Variants in GET1 observed in about 807,000 individuals in gnomAD.
The protein encoded by GET1 is guided entry of tail-anchored proteins factor 1, also known as congenital heart disease 5 protein.
In GET1, 20 loss-of-function variants were observed where a neutral mutation model predicts 22.6. The observed-to-expected ratio is 0.89, with a 90% CI of 0.62 to 1.29. The LOEUF (loss-of-function observed/expected upper bound fraction) is 1.29, where lower values mean the gene tolerates loss of function less well. Ranked by LOEUF, GET1 falls within the 50% of genes most tolerant of loss-of-function variation. GET1 has a pLI of 0.00. For missense variants in GET1, 209 were observed against 219.9 expected (o/e 0.95, Z 0.31); for synonymous variants, 92 against 83.8 (o/e 1.10, Z -0.53).
chr21:39,410,132 G>A (rs187520894), downstream of GET1: 27 of 1,437,298 alleles, frequency 1.9e-5, no homozygotes, highest in Non-Finnish European at 2.4e-5. Context: ...CACATTTTGG[G>A]GGGTCTAGAT....
Position 39,390,853 on chromosome 21 carries a change from CA to C in GET1, c.262del (p.Thr88ProfsTer3), listed in dbSNP as rs745397732. On this transcript the variant is annotated frameshift_variant, in exon 2 of 5. Coordinates refer to ENST00000649170, the MANE Select transcript of GET1 (RefSeq NM_004627.6). LOFTEE classifies it high-confidence loss of function. Reference protein sequence around the residue: ...RKINKMTDKLKTHVKARTAQL... With the variant: ...RKINKMTDKLXTHVKARTAQL... ...AGATCAACAAGATGACGGATAAGCT[CA>C]AAACCCATGGTACTGTGTCCCTTGC... 6.2e-7 allele frequency: 1 copy of C among 1,614,062 alleles called. No individual in the cohort carries two copies. The highest frequency in any genetic ancestry group is 8.5e-7 in the Non-Finnish European group (1 of 1,180,014).
At chr21:39,426,416 T>C (rs1291172524) in intron 1 of GET1, among the ~76,000 whole-genome samples, 1 of 152,204 alleles carries the variant, frequency 6.6e-6, no homozygotes, top group Non-Finnish European at 1.5e-5. Context: ...CCACAAAAGC[T>C]TACCATCAAT....
At chr21:39,407,048 G>A (rs2039187590), downstream of GET1, among the ~76,000 whole-genome samples, 1 of 152,052 alleles carries the variant, frequency 6.6e-6, no homozygotes, top group Non-Finnish European at 1.5e-5. Context: ...GCAACATAGC[G>A]AAACCCTGTC....
chr21:39,403,176 G>C (rs1200060037), intron 4 of GET1, among the ~76,000 whole-genome samples: 1 of 151,990 alleles, frequency 6.6e-6, no homozygotes. Context: ...CTTAATTTGC[G>C]TATTTCCCCT....
downstream of GET1, chr21:39,409,955 T>TA (rs754343618): frequency 1.6e-6 from 2 of 1,260,258 alleles, no homozygotes; most frequent in Non-Finnish European, 2.3e-6. The surrounding 1 kb of genome is among the most constrained non-coding windows in gnomAD (Gnocchi z 4.2). Flanking sequence ...TCAGATAAGA[T>TA]AGACTTTAAA....
At chr21:39,418,648 C>T (rs1207574153) in intron 1 of GET1, among the ~76,000 whole-genome samples, 1 of 152,042 alleles carries the variant, frequency 6.6e-6, no homozygotes, top group African/African-American at 2.4e-5. Context: ...TACAGGCACG[C>T]ATCACCATGC....
chr21:39,408,671 G>A (rs2039534013), downstream of GET1: 1 of 152,364 alleles, frequency 6.6e-6, no homozygotes, highest in Admixed American at 6.5e-5. Context: ...ACTCCCAAGA[G>A]CTGAAGGTAA....
intron 1 of GET1, among the ~76,000 whole-genome samples, chr21:39,412,600 GCA>G (rs58572253): frequency 1.1e-4 from 17 of 149,406 alleles, no homozygotes; most frequent in South Asian, 8.4e-4. Flanking sequence ...ACGTGCATGT[GCA>G]CACACACACA....
chr21:39,422,783 G>A (rs1411181765), intron 1 of GET1: 8 of 595,260 alleles, frequency 1.3e-5, no homozygotes, highest in Non-Finnish European at 2.3e-5. Context: ...TTTCTAGTTT[G>A]AGCTGCTTCT....
chr21:39,401,585 T>A (rs139752461), downstream of GET1, among the ~76,000 whole-genome samples: 545 of 152,268 alleles, frequency 3.6e-3, 9 homozygotes, highest in Admixed American at 0.02. Context: ...AATACATTGT[T>A]TGGTTTCTCA....
rs190143554 is a variant in GET1, at chr21:39,416,825, T to C, written c.*23+5888T>C. ...AGTGTAAGATTTTTTTGTAAAGTTA[T>C]TTGTGTCCTTACAGTGTATCTCACT... On this transcript the variant is annotated intron_variant, in intron 1 of 1. Coordinates refer to the GET1 transcript ENST00000478273. Among the ~76,000 whole-genome samples the C allele has an allele frequency of 2.5e-4, 38 of 152,318 alleles. No individual in the cohort carries two copies. In the East Asian group the frequency reaches 7.0e-3, roughly 28 times the overall value.
chr21:39,392,156 A>G, intron 3 of GET1: 1 of 263,588 alleles, frequency 3.8e-6, no homozygotes, highest in Non-Finnish European at 7.1e-6. Flanking sequence ...CTTATAGATG[A>G]CATCAGTTTT....
downstream of GET1, chr21:39,406,714 A>G (rs1601671942): frequency 1.2e-6 from 1 of 853,864 alleles, no homozygotes; most frequent in East Asian, 2.5e-5. Context: ...TCACAAGCAC[A>G]CTGAAATGAC....
Position 39,391,755 on chromosome 21 carries a change from G to C in GET1, c.269-14G>C. 2 of 1,613,542 alleles carry C rather than the reference G, an allele frequency of 1.2e-6. No homozygotes were observed. Among genetic ancestry groups the C allele is most frequent in the Non-Finnish European group, 1.7e-6 (2 of 1,179,622 alleles). On this transcript the variant is annotated splice_polypyrimidine_tract_variant and intron_variant, in intron 2 of 4. Coordinates refer to ENST00000649170, the MANE Select transcript of GET1 (RefSeq NM_004627.6). The stretch of plus-strand genomic sequence containing the variant: ...CAGGACTGACATAATTATTTATCCT[G>C]TTTTTCCTTTCAGTGAAAGCTCGGA...
In GET1 at chr21:39,380,454, C is replaced by T. The variant is rs760934554; in HGVS notation, c.70C>T (p.Leu24Phe). 65 of 1,613,210 alleles carry T rather than the reference C, an allele frequency of 4.0e-5. No homozygotes were observed. The South Asian group carries it at 6.8e-4, about 17-fold the overall frequency. Residue 24 changes from leucine to phenylalanine, a missense_variant, in exon 1 of 5, where the codon CTT becomes TTT. By Grantham distance (22) the Leu-to-Phe change is conservative. Transcript: ENST00000649170. Reference sequence around the variant, plus strand: ...CAGCTTCGTGTTTGGATGCAATGTTCTTAGGATCCTCCTCCCGTCCTTCTC... The same window carrying T: ...CAGCTTCGTGTTTGGATGCAATGTTTTTAGGATCCTCCTCCCGTCCTTCTC... ...VLSFVFGCNV[L>F]RILLPSFSSF...
At chr21:39,398,416 A>G (rs2038753552), downstream of GET1, among the ~76,000 whole-genome samples, 1 of 152,162 alleles carries the variant, frequency 6.6e-6, no homozygotes, top group South Asian at 2.1e-4. Flanking sequence ...GTCCATGATG[A>G]TACCCGTATC....
chr21:39,423,207 T>C (rs770869065), intron 1 of GET1: 1 of 1,612,682 alleles, frequency 6.2e-7, no homozygotes, highest in South Asian at 1.1e-5. Context: ...CATTCTGATG[T>C]TTAGCCATAA....
chr21:39,397,120 C>A lies in GET1; in HGVS notation c.*181C>A. 1.5e-6 allele frequency: 1 copy of A among 653,512 alleles called. No homozygotes were observed. The highest frequency in any genetic ancestry group is 2.6e-6 in the Non-Finnish European group (1 of 387,602). The allele number at this position is 653,512 out of a possible 1,614,324, so 40.5% of individuals were successfully genotyped here. A position where few individuals can be genotyped will look rare whatever the true frequency, so the allele number is the denominator to read the frequency against. On this transcript the variant is annotated 3_prime_UTR_variant, in exon 5 of 5. Coordinates refer to ENST00000649170, the MANE Select transcript of GET1 (RefSeq NM_004627.6). The stretch of plus-strand genomic sequence containing the variant: ...CTTATAAGAATCACGATTTTCTACA[C>A]CTGTCATTGAGCCAAGAAAGTCCAG...
chr21:39,427,958 G>A (rs1418485709), intron 1 of GET1: 1 of 383,810 alleles, frequency 2.6e-6, no homozygotes, highest in Admixed American at 4.5e-5. Context: ...AGCCATGCAG[G>A]GGGCTAGGCT....
Sources: allele counts gnomAD v4.1 joint callset (sites outside exome capture counted in the v4.1 genomes callset), GRCh38; gene constraint gnomAD v4.1.1; non-coding constraint Gnocchi (gnomAD v3.1); transcripts MANE v1.5; gene names NCBI Gene and HGNC (gene_info 2026-07-23, HGNC 2026-07-21).